Variants in SLC67A1 observed in about 807,000 individuals in gnomAD.
The protein encoded by SLC67A1 is solute carrier family 67 member 1, also known as solute carrier family 67 member A1.
the SLC67A1 span, chr11:2,903,381 G>T: frequency 1.9e-6 from 3 of 1,613,066 alleles, no homozygotes; most frequent in Non-Finnish European, 2.5e-6. Context: ...ACCAGGGCCG[G>T]TCCCCCGGCA....
the SLC67A1 span, among the ~76,000 whole-genome samples, chr11:2,907,504 G>A: frequency 3.9e-5 from 6 of 152,128 alleles, no homozygotes; most frequent in African/African-American, 1.2e-4. The surrounding 1 kb of genome is among the most constrained non-coding windows in gnomAD (Gnocchi z 6.7). Flanking sequence ...ATGAGGACAC[G>A]GGTCACATTA....
At chr11:2,913,971 AG>A in the SLC67A1 span, among the ~76,000 whole-genome samples, 1 of 152,068 alleles carries the variant, frequency 6.6e-6, no homozygotes, top group Non-Finnish European at 1.5e-5. Flanking sequence ...GGCAGGATGC[AG>A]GTGGGCTGCG....
At chr11:2,905,659 T>C in the SLC67A1 span, among the ~76,000 whole-genome samples, 1 of 152,158 alleles carries the variant, frequency 6.6e-6, no homozygotes. Flanking sequence ...GTCTTTATAG[T>C]ATAGTCCCCT....
At chr11:2,903,563 C>T in the SLC67A1 span, 35 of 1,547,506 alleles carry the variant, frequency 2.3e-5, no homozygotes, top group East Asian at 4.5e-5. Context: ...CCATCTGGGC[C>T]GTCGCAGAGA....
chr11:2,916,746 C>T, the SLC67A1 span: 1 of 1,610,036 alleles, frequency 6.2e-7, no homozygotes, highest in Non-Finnish European at 8.5e-7. Context: ...GCCAGGTAAG[C>T]CCCGCCAGGT....
At chr11:2,908,636 C>G in the SLC67A1 span, among the ~76,000 whole-genome samples, 1 of 152,312 alleles carries the variant, frequency 6.6e-6, no homozygotes, top group African/African-American at 2.4e-5. Context: ...ACTTTGGGGG[C>G]TCCATACACC....
the SLC67A1 span, among the ~76,000 whole-genome samples, chr11:2,905,320 A>T: frequency 6.6e-6 from 1 of 152,084 alleles, no homozygotes; most frequent in African/African-American, 2.4e-5. Flanking sequence ...ATCGTGGAGG[A>T]GGGAAGAAGC....
At chr11:2,922,022 G>T in the SLC67A1 span, 1 of 1,098,520 alleles carries the variant, frequency 9.1e-7, no homozygotes, top group South Asian at 1.2e-5. Flanking sequence ...GAGGTCCCCA[G>T]CTTTGGGGGC....
At chr11:2,902,401 C>T in the SLC67A1 span, 2,688 of 169,118 alleles carry the variant, frequency 0.016, 72 homozygotes, top group African/African-American at 0.061. Flanking sequence ...GGCCTCTGAG[C>T]CCCGAACCCC....
the SLC67A1 span, chr11:2,914,807 C>T: frequency 6.2e-3 from 6,119 of 985,420 alleles, 226 homozygotes; most frequent in African/African-American, 0.089. Context: ...AGCTGTGACA[C>T]GCAGGCCTCT....
At chr11:2,903,977 T>C in the SLC67A1 span, among the ~76,000 whole-genome samples, 7 of 152,342 alleles carry the variant, frequency 4.6e-5, no homozygotes, top group East Asian at 1.4e-3. Flanking sequence ...ATCTCAAGCT[T>C]TTTCTTGCAA....
the SLC67A1 span, chr11:2,924,924 A>T: frequency 7.8e-7 from 1 of 1,281,532 alleles, no homozygotes; most frequent in East Asian, 2.3e-5. The surrounding 1 kb of genome is among the most constrained non-coding windows in gnomAD (Gnocchi z 8.6). Context: ...GGGTCAGGAG[A>T]GATGGGAGGC....
At chr11:2,906,437 C>T in the SLC67A1 span, among the ~76,000 whole-genome samples, 1 of 152,176 alleles carries the variant, frequency 6.6e-6, no homozygotes, top group East Asian at 1.9e-4. Flanking sequence ...TATCGCGGCA[C>T]TACCTACAAT....
chr11:2,903,295 C>T, the SLC67A1 span: 2 of 1,590,956 alleles, frequency 1.3e-6, no homozygotes, highest in East Asian at 4.5e-5. Flanking sequence ...CCCTGCTCCG[C>T]CAGCCTCCTG....
At chr11:2,909,882 C>T in the SLC67A1 span, 1 of 689,838 alleles carries the variant, frequency 1.4e-6, no homozygotes, top group Non-Finnish European at 2.2e-6. Context: ...GCCTGACCTC[C>T]CGGGCTGGCT....
At chr11:2,917,075 C>G in the SLC67A1 span, 1 of 293,476 alleles carries the variant, frequency 3.4e-6, no homozygotes, top group African/African-American at 2.2e-5. Flanking sequence ...GAGGGACCCC[C>G]CCAATGGGGT....
At chr11:2,900,690 C>A in the SLC67A1 span, among the ~76,000 whole-genome samples, 142 of 38,044 alleles carry the variant, frequency 3.7e-3, 1 homozygote, top group African/African-American at 0.013. Flanking sequence ...AAGACTCCGT[C>A]TCAAAAAAAA....
the SLC67A1 span, chr11:2,919,366 C>T: frequency 1.9e-6 from 3 of 1,613,904 alleles, no homozygotes; most frequent in South Asian, 3.3e-5. Context: ...GGAGGCCGCC[C>T]AAGCTGGCTA....
the SLC67A1 span, among the ~76,000 whole-genome samples, chr11:2,906,378 C>A: frequency 1.3e-5 from 2 of 152,166 alleles, no homozygotes; most frequent in African/African-American, 4.8e-5. Flanking sequence ...GGTATATACC[C>A]AAAGGATTAT....
Sources: allele counts gnomAD v4.1 joint callset (sites outside exome capture counted in the v4.1 genomes callset), GRCh38; gene constraint gnomAD v4.1.1; non-coding constraint Gnocchi (gnomAD v3.1); transcripts MANE v1.5; gene names NCBI Gene and HGNC (gene_info 2026-07-23, HGNC 2026-07-21).